The following BOC variants were observed in gnomAD, a reference collection of about 807,000 sequenced individuals.
BOC encodes the protein brother of CDO.
A neutral mutation model predicts 112.0 loss-of-function variants in BOC; 76 were observed. That is an observed-to-expected ratio of 0.68 (90% confidence interval 0.56 to 0.82). The LOEUF is 0.82. BOC is among the 40% of genes least tolerant of loss of function. BOC has a pLI of 0.00. For synonymous variants in BOC, 580 were observed against 599.8 expected (o/e 0.97, Z 0.48); for missense variants, 1,309 against 1,511.7 (o/e 0.87, Z 2.22).
At chr3:113,223,226 C>G (rs1206918032) in intron 2 of BOC, among the ~76,000 whole-genome samples, 1 of 152,228 alleles carries the variant, frequency 6.6e-6, no homozygotes, top group Non-Finnish European at 1.5e-5. Context: ...GAGAAGAGCC[C>G]AAGCCTCCAG....
At chr3:113,279,540 C>G in intron 12 of BOC, 85 bp downstream of exon 12, 1 of 1,358,300 alleles carries the variant, frequency 7.4e-7, no homozygotes, top group Non-Finnish European at 1.0e-6. Flanking sequence ...CCTGGGATCC[C>G]CTTCTCTCGG....
At chr3:113,259,341 G>T (rs373482134) in intron 4 of BOC, among the ~76,000 whole-genome samples, 1 of 152,184 alleles carries the variant, frequency 6.6e-6, no homozygotes, top group Non-Finnish European at 1.5e-5. Context: ...AAAAGGGAAG[G>T]GCTGTGTAGT....
At chr3:113,280,083 C>CTCCCCCGAACAGGGCATAA in intron 13 of BOC, 78 bp downstream of exon 13, 2 of 1,405,110 alleles carry the variant, frequency 1.4e-6, no homozygotes, top group Non-Finnish European at 1.9e-6. Flanking sequence ...GGGGATTAGA[C>CTCCCCCGAACAGGGCATAA]TCCCCCGAAC....
rs555143143 is a variant in BOC at position 113,262,491 on chromosome 3, G to C, written c.377-5808G>C. 5.3e-5 allele frequency among the ~76,000 whole-genome samples: 8 copies of C among 152,320 alleles called. No individual in the cohort carries two copies. In the South Asian group the frequency reaches 1.5e-3, roughly 28 times the overall value. On this transcript the variant is annotated intron_variant, in intron 4 of 19. Transcript: ENST00000682979. ...GAGGGATGGTATTTTACCAAATGCTGGTTTTGTCCCGCTTTGTGGGCTGCA... is the reference window on the plus strand; with the variant it reads ...GAGGGATGGTATTTTACCAAATGCTCGTTTTGTCCCGCTTTGTGGGCTGCA...
rs113375341 is a variant in BOC, at chr3:113,264,865, G to C, written c.377-3434G>C. 7.5e-3 allele frequency among the ~76,000 whole-genome samples: 1,140 copies of C among 152,312 alleles called. 18 individuals carry two copies. The highest frequency in any genetic ancestry group is 0.026 in the African/African-American group (1,096 of 41,572). On this transcript the variant is annotated intron_variant, in intron 4 of 19. Transcript: ENST00000682979. ...GAGGGACAGGGCCAAGGACCGAACT[G>C]CTGCTTATTTGTTTTGAAGCCAGGA...
At chr3:113,223,343 G>A (rs191961008) in intron 2 of BOC, among the ~76,000 whole-genome samples, 6 of 152,236 alleles carry the variant, frequency 3.9e-5, no homozygotes, top group East Asian at 1.9e-4. Context: ...CAGACTTGTC[G>A]TTCCAATTTC....
rs146920642 is a variant in BOC, at chr3:113,272,572, C to T, written c.830C>T (p.Thr277Met). The change falls in exon 7 of 20, where the codon ACG (threonine) becomes ATG (methionine). Residue 277 changes from threonine (T) to methionine (M), a missense_variant. Coordinates refer to ENST00000682979, the MANE Select transcript of BOC (RefSeq NM_001378074.1). ...DGSSVTGYNK[T>M]RFLLSNLLID... Reference sequence around the variant, plus strand: ...TCCAGTGTCACCGGCTACAACAAGACGCGCTTCCTGCTGAGCAACCTCCTC... The same window carrying T: ...TCCAGTGTCACCGGCTACAACAAGATGCGCTTCCTGCTGAGCAACCTCCTC... 4.2e-5 allele frequency: 68 copies of T among 1,614,068 alleles called. No individual in the cohort carries two copies. The highest frequency in any genetic ancestry group is 2.5e-4 in the East Asian group (11 of 44,862).
At chr3:113,260,721 A>AAGAACAGAACAGAAC (rs1553737947) in intron 4 of BOC, among the ~76,000 whole-genome samples, 68 of 92,260 alleles carry the variant, frequency 7.4e-4, no homozygotes, top group Admixed American at 2.8e-3. Flanking sequence ...ACAGAACAGA[A>AAGAACAGAACAGAAC]AGAACAGAAC....
intron 6 of BOC, chr3:113,271,548 T>G (rs554728906): frequency 4.5e-6 from 1 of 223,162 alleles, no homozygotes; most frequent in Non-Finnish European, 9.0e-6. Flanking sequence ...ATGGAATCAC[T>G]GTGAAGCTAA....
chr3:113,227,568 C>T (rs1414956564), intron 2 of BOC, among the ~76,000 whole-genome samples: 2 of 152,182 alleles, frequency 1.3e-5, no homozygotes, highest in East Asian at 1.9e-4. Context: ...TTGCAGAACC[C>T]TCTTTTCCAC....
intron 4 of BOC, chr3:113,251,128 G>T: frequency 1.7e-6 from 1 of 582,870 alleles, no homozygotes; most frequent in Non-Finnish European, 3.0e-6. Flanking sequence ...GTGGGCCCCA[G>T]AGCAGGGCCG....
chr3:113,277,945 T>A (rs1576492658), intron 9 of BOC, 150 bp from the exon 10 acceptor site: 1 of 981,042 alleles, frequency 1.0e-6, no homozygotes, highest in East Asian at 2.4e-5. Flanking sequence ...GGGGGGCCAG[T>A]CCGAGGCTGT....
chr3:113,267,824 T>C (rs1947658934), intron 4 of BOC, among the ~76,000 whole-genome samples: 2 of 152,202 alleles, frequency 1.3e-5, no homozygotes. Flanking sequence ...GCCTCCTGGG[T>C]TCATGCCATT....
chr3:113,258,968 T>C (rs1347737037), intron 4 of BOC, among the ~76,000 whole-genome samples: 1 of 152,262 alleles, frequency 6.6e-6, no homozygotes, highest in African/African-American at 2.4e-5. Context: ...CTTTCTGTTT[T>C]CTACTGGATG....
chr3:113,250,425 T>C, intron 3 of BOC, 130 bp from the exon 4 acceptor site: 1 of 1,031,596 alleles, frequency 9.7e-7, no homozygotes, highest in Non-Finnish European at 1.4e-6. Context: ...ACAAGAGCAG[T>C]AGAGTCGGAG....
chr3:113,232,263 A>AGAGCTGGCAGGGGTTGGGGC (rs1942737571), intron 2 of BOC, among the ~76,000 whole-genome samples: 1 of 152,134 alleles, frequency 6.6e-6, no homozygotes, highest in Admixed American at 6.6e-5. Flanking sequence ...CAAGTTGGGG[A>AGAGCTGGCAGGGGTTGGGGC]GAGCTGGCAG....
In BOC at chr3:113,274,615, T is replaced by C. The variant is rs1290172329; in HGVS notation, c.1475T>C (p.Val492Ala). 6 of 1,611,602 alleles carry C rather than the reference T, an allele frequency of 3.7e-6. No individual in the cohort carries two copies. The African/African-American group carries it at 8.0e-5, about 22-fold the overall frequency. ...RTSKTDSYEL[V>A]WRPRHEGSGR... Reference sequence around the variant, plus strand: ...TCCAAGACAGACTCATATGAACTGGTGTGGCGGCCTCGGCATGAGGGCAGT... The same window carrying C: ...TCCAAGACAGACTCATATGAACTGGCGTGGCGGCCTCGGCATGAGGGCAGT... The change falls in exon 9 of 20, where the codon GTG becomes GCG. Residue 492 changes from valine (V) to alanine (A), a missense_variant. Coordinates refer to ENST00000682979, the MANE Select transcript of BOC (RefSeq NM_001378074.1). This position sits in a 1 kb window ranked among gnomAD's most constrained non-coding sequence, Gnocchi z 4.8.
rs71706132 is a variant in BOC at position 113,236,282 on chromosome 3, GTATATATATATATATA to G, written c.-81-13425_-81-13410del. On this transcript the variant is annotated intron_variant, in intron 2 of 19. Transcript: ENST00000682979. ...TGTGTGTGTGTATATATACCCATGG[GTATATATATATATATA>G]TATATATATATATACCCATGGAATA... 3.6e-3 allele frequency among the ~76,000 whole-genome samples: 230 copies of G among 64,570 alleles called. 17 individuals are homozygous for G. The highest frequency in any genetic ancestry group is 6.4e-3 in the Non-Finnish European group (159 of 24,706). The allele number at this position is 64,570 out of a possible 152,430, so 42.4% of individuals were successfully genotyped here. A position where few individuals can be genotyped will look rare whatever the true frequency, so the allele number is the denominator to read the frequency against.
At chr3:113,231,135 A>T (rs900405526) in intron 2 of BOC, among the ~76,000 whole-genome samples, 1 of 152,210 alleles carries the variant, frequency 6.6e-6, no homozygotes, top group African/African-American at 2.4e-5. Flanking sequence ...TGGTTGGGAA[A>T]TGAGGCCTAT....
Sources: allele counts gnomAD v4.1 joint callset (sites outside exome capture counted in the v4.1 genomes callset), GRCh38; gene constraint gnomAD v4.1.1; non-coding constraint Gnocchi (gnomAD v3.1); transcripts MANE v1.5; gene names NCBI Gene and HGNC (gene_info 2026-07-23, HGNC 2026-07-21).